Variants in DEPDC7 observed in about 807,000 individuals in gnomAD.
DEPDC7 encodes DEP domain-containing protein 7.
In DEPDC7, 41 loss-of-function variants were observed where a neutral mutation model predicts 56.6. That is an observed-to-expected ratio of 0.72 (90% CI 0.56 to 0.94). The LOEUF (loss-of-function observed/expected upper bound fraction) is 0.94. Ranked by LOEUF, DEPDC7 falls within the 40% of genes least tolerant of loss-of-function variation. The pLI is 0.00. For synonymous variants in DEPDC7, 185 were observed against 208.8 expected, an observed-to-expected ratio of 0.89 and a Z score of 0.98; for missense variants, 522 against 596.3, an observed-to-expected ratio of 0.88 and a Z score of 1.30.
intron 2 of DEPDC7, chr11:33,026,847 G>A (rs1388680163): frequency 6.6e-6 from 1 of 151,974 alleles, no homozygotes; most frequent in Non-Finnish European, 1.5e-5. Flanking sequence ...AGGCTAGTCT[G>A]AAATTCCTGG....
Position 33,025,729 on chromosome 11 carries a change from A to G in DEPDC7, c.144A>G (p.Thr48=), listed in dbSNP as rs1437050273. The G allele has an allele frequency of 6.2e-7, 1 of 1,614,176 alleles. No individual in the cohort carries two copies. The highest frequency in any genetic ancestry group is 2.2e-5 in the East Asian group (1 of 44,874). The stretch of plus-strand genomic sequence containing the variant: ...GCAGCATCATAAACACTCTTCAAAC[A>G]CAAGTGGAAGTGAAAAAACGAAGGC... ...VWSSIINTLQ[T]QVEVKKRRHR... is the part of the protein sequence containing the mutation. Residue 48 remains threonine, a synonymous_variant, in exon 2 of 9, where the codon ACA becomes ACG. Coordinates refer to ENST00000241051, the MANE Select transcript of DEPDC7 (RefSeq NM_001077242.2).
In DEPDC7 at chr11:33,025,981, T is replaced by C; in HGVS notation, c.396T>C (p.Tyr132=). ...PTFEDSSCSL[Y]RFTTIPNQDS... ...TTGAAGATAGTAGTTGCAGCCTTTA[T>C]AGATTCACCACAATACCTAACCAAG... is the stretch of plus-strand genomic sequence containing the variant. Residue 132 remains tyrosine (Y), a synonymous_variant, in exon 2 of 9, where the codon TAT becomes TAC. Coordinates refer to ENST00000241051, the MANE Select transcript of DEPDC7 (RefSeq NM_001077242.2). 1.9e-6 allele frequency: 3 copies of C among 1,614,120 alleles called. No homozygotes were observed. Among genetic ancestry groups the C allele is most frequent in the Non-Finnish European group, 2.5e-6 (3 of 1,180,022 alleles).
intron 1 of DEPDC7, among the ~76,000 whole-genome samples, chr11:33,025,336 C>G (rs1853566389): frequency 3.9e-5 from 6 of 152,298 alleles, no homozygotes. Flanking sequence ...CATTCTTTAT[C>G]TTATCCAGCT....
At chr11:33,032,993 G>C in intron 8 of DEPDC7, 26 bp downstream of exon 8, 1 of 1,510,664 alleles carries the variant, frequency 6.6e-7, no homozygotes, top group Non-Finnish European at 9.0e-7. Flanking sequence ...TTATTTTCAT[G>C]ATCTTCCAAA....
In DEPDC7 at chr11:33,025,842, G is replaced by A. The variant is rs757478085; in HGVS notation, c.257G>A (p.Gly86Asp). The part of the protein sequence containing the change: ...FSHLIQNKYF[G>D]DVDIPRAKVV... The stretch of plus-strand genomic sequence containing the variant: ...CACCTAATTCAGAATAAGTATTTTG[G>A]TGATGTAGATATTCCTCGAGCCAAA... Residue 86 changes from glycine (G) to aspartate (D), a missense_variant, in exon 2 of 9, where the codon GGT becomes GAT. Coordinates refer to ENST00000241051, the MANE Select transcript of DEPDC7 (RefSeq NM_001077242.2). 31 of 1,614,044 alleles carry A rather than the reference G, an allele frequency of 1.9e-5. No individual in the cohort carries two copies. In the African/African-American group the frequency reaches 3.9e-4, roughly 20 times the overall value.
Position 33,032,430 on chromosome 11 carries a change from T to C in DEPDC7, c.1089T>C (p.Tyr363=). The change falls in exon 6 of 9, where the codon TAT becomes TAC. Residue 363 remains tyrosine, a synonymous_variant. Coordinates refer to ENST00000241051, the MANE Select transcript of DEPDC7 (RefSeq NM_001077242.2). Reference sequence around the variant, plus strand: ...GAGAAGAATTTAGAAGACTACTGTATTTCATGGCTGTTGCAGCAAATCCTT... The same window carrying C: ...GAGAAGAATTTAGAAGACTACTGTACTTCATGGCTGTTGCAGCAAATCCTT... ...QNREEFRRLL[Y]FMAVAANPSE... 1 of 1,576,024 alleles carries C rather than the reference T, an allele frequency of 6.3e-7. No individual in the cohort carries two copies. Among genetic ancestry groups the C allele is most frequent in the African/African-American group, 1.4e-5 (1 of 72,238 alleles).
In DEPDC7 at chr11:33,032,903, A is replaced by G. The variant is rs1417967665; in HGVS notation, c.1278A>G (p.Leu426=). Residue 426 remains leucine (L), a synonymous_variant, in exon 8 of 9, where the codon CTA becomes CTG. Coordinates refer to ENST00000241051, the MANE Select transcript of DEPDC7 (RefSeq NM_001077242.2). The part of the protein sequence containing the change: ...QKDVFKIPGT[L]HKIVSVKLMA... The stretch of plus-strand genomic sequence containing the variant: ...TTTTTCTTAAGATTCCTGGAACTCT[A>G]CATAAAATTGTAAGTGTTAAGCTTA... 1.9e-6 allele frequency: 3 copies of G among 1,604,052 alleles called. No individual in the cohort carries two copies. Among genetic ancestry groups the G allele is most frequent in the Middle Eastern group, 1.7e-4 (1 of 6,004 alleles).
Position 33,015,996 on chromosome 11 carries a change from C to A in DEPDC7, c.41C>A (p.Ser14Ter), listed in dbSNP as rs866505323. The A allele has an allele frequency of 6.4e-7, 1 of 1,570,728 alleles. No homozygotes were observed. The highest frequency in any genetic ancestry group is 8.6e-7 in the Non-Finnish European group (1 of 1,159,212). The part of the protein sequence containing the change: ...VQEKAAALNL[S>*]ALHSPAHRPP... ...GAGAAGGCTGCTGCGCTGAACCTCTCGGCTCTCCACAGCCCCGCGCACAGG... is the reference window on the plus strand; with the variant it reads ...GAGAAGGCTGCTGCGCTGAACCTCTAGGCTCTCCACAGCCCCGCGCACAGG... Residue 14 changes from serine (S) to a stop codon, truncating the protein, a stop_gained, in exon 1 of 9, where the codon TCG becomes TAG. Coordinates refer to ENST00000241051, the MANE Select transcript of DEPDC7 (RefSeq NM_001077242.2). LOFTEE classifies it high-confidence loss of function.
intron 1 of DEPDC7, among the ~76,000 whole-genome samples, chr11:33,018,744 T>C (rs1242946108): frequency 2.6e-5 from 4 of 152,206 alleles, no homozygotes; most frequent in African/African-American, 9.6e-5. Flanking sequence ...ATATAATTAT[T>C]AACTGAAGTC....
At chr11:33,031,237 A>G in intron 4 of DEPDC7, 141 bp from the exon 5 acceptor site, 1 of 629,702 alleles carries the variant, frequency 1.6e-6, no homozygotes, top group South Asian at 2.0e-5. Context: ...AGAACTACAC[A>G]TATCTTTTAA....
chr11:33,018,140 T>A (rs935614323), intron 1 of DEPDC7, among the ~76,000 whole-genome samples: 1 of 152,246 alleles, frequency 6.6e-6, no homozygotes, highest in African/African-American at 2.4e-5. Context: ...ACGCCTCTAA[T>A]GCCAACTAGC....
chr11:33,016,308 G>A, intron 1 of DEPDC7: 1 of 1,397,342 alleles, frequency 7.2e-7, no homozygotes, highest in Non-Finnish European at 9.2e-7. Context: ...GCGTTGGTCT[G>A]TGCGCCCGCT....
In DEPDC7 at chr11:33,016,027, G is replaced by A; in HGVS notation, c.72G>A (p.Pro24=). 1.3e-6 allele frequency: 2 copies of A among 1,531,086 alleles called. No homozygotes were observed. The highest frequency in any genetic ancestry group is 2.0e-5 in the Admixed American group (1 of 49,496). The allele number at this position is 1,531,086 out of a possible 1,614,324, so 94.8% of individuals were successfully genotyped here. The change falls in exon 1 of 9, where the codon CCG becomes CCA. Residue 24 remains proline, a splice_region_variant and synonymous_variant. Coordinates refer to ENST00000241051, the MANE Select transcript of DEPDC7 (RefSeq NM_001077242.2). ...SALHSPAHRP[P]GFSVAQKPFG... is the part of the protein sequence containing the mutation. ...TCCACAGCCCCGCGCACAGGCCTCC[G>A]GGTAGGTGCCGAGGACTGCCGCCTG...
intron 1 of DEPDC7, among the ~76,000 whole-genome samples, chr11:33,020,381 G>A (rs1429293911): frequency 6.6e-6 from 1 of 152,098 alleles, no homozygotes; most frequent in Non-Finnish European, 1.5e-5. Flanking sequence ...AATAGCTATT[G>A]TTTTCAAGCA....
At chr11:33,024,970 C>T (rs959360442) in intron 1 of DEPDC7, among the ~76,000 whole-genome samples, 1 of 152,148 alleles carries the variant, frequency 6.6e-6, no homozygotes, top group Non-Finnish European at 1.5e-5. Flanking sequence ...GGAAATGATA[C>T]GTACCTCATA....
chr11:33,029,523 C>G (rs201344951), intron 4 of DEPDC7, among the ~76,000 whole-genome samples: 11 of 150,474 alleles, frequency 7.3e-5, no homozygotes, highest in Middle Eastern at 3.4e-3. Context: ...GAAAGTAACT[C>G]TCTCATTCCA....
intron 3 of DEPDC7, 197 bp from the exon 4 acceptor site, chr11:33,028,406 G>C (rs1853599671): frequency 2.2e-6 from 1 of 452,348 alleles, no homozygotes; most frequent in Admixed American, 3.9e-5. Context: ...AATTCCTGTT[G>C]TCCAAAGCCT....
At position 33,027,594 on chromosome 11, in the gene DEPDC7, T is replaced by C. The variant is rs906318110; in HGVS notation, c.465-92T>C. 61 of 1,204,792 alleles carry C rather than the reference T, an allele frequency of 5.1e-5. No individual in the cohort carries two copies. The East Asian group carries it at 1.5e-3, about 30-fold the overall frequency. The allele number at this position is 1,204,792 out of a possible 1,614,324, so 74.6% of individuals were successfully genotyped here. ...GATTTGTTGTGTTTTTGCTCTGAAA[T>C]GCATAACTCTGTAGAAAACTCTTAG... On this transcript the variant is annotated intron_variant, in intron 2 of 8. Transcript: ENST00000241051.
chr11:33,031,401 C>T lies in DEPDC7; in HGVS notation c.806C>T (p.Ala269Val). Reference sequence around the variant, plus strand: ...AGGGAAGATGAGTGGCTCTCGGCAGCAATTGACTGTTTAGAATACCTTCCA... The same window carrying T: ...AGGGAAGATGAGTGGCTCTCGGCAGTAATTGACTGTTTAGAATACCTTCCA... Reference protein sequence around the residue: ...DSQEDEWLSAAIDCLEYLPDQ... With the variant: ...DSQEDEWLSAVIDCLEYLPDQ... The change falls in exon 5 of 9, where the codon GCA becomes GTA. Residue 269 changes from alanine to valine, a missense_variant. Coordinates refer to ENST00000241051, the MANE Select transcript of DEPDC7 (RefSeq NM_001077242.2). 6.2e-7 allele frequency: 1 copy of T among 1,614,128 alleles called. No individual in the cohort carries two copies.
Sources: gnomAD v4.1 joint callset for allele counts (sites outside exome capture counted in the v4.1 genomes callset) on GRCh38, gnomAD v4.1.1 for gene constraint, MANE v1.5 for transcripts, NCBI Gene and HGNC (gene_info 2026-07-23, HGNC 2026-07-21) for gene names.